USP9X: variants seen among roughly 807,000 people sequenced by gnomAD.
USP9X encodes ubiquitin carboxyl-terminal hydrolase 9X.
In USP9X, 7 loss-of-function variants were observed where a neutral mutation model predicts 190.3. That is an observed-to-expected ratio of 0.04 (90% CI 0.02 to 0.07). USP9X has a LOEUF of 0.07. USP9X is among the 10% of genes least tolerant of loss of function. The pLI, the probability that USP9X is intolerant of heterozygous loss-of-function variation, is 1.00. For missense variants in USP9X, 1,010 were observed against 1,916.9 expected (o/e 0.53, Z 8.83); for synonymous variants, 645 against 659.5 (o/e 0.98, Z 0.34).
chrX:41,164,090 C>G (rs1459323628), intron 15 of USP9X, among the ~76,000 whole-genome samples: 3 of 111,145 alleles, frequency 2.7e-5, no homozygotes, highest in Non-Finnish European at 5.7e-5. Flanking sequence ...CCAGGATGGT[C>G]TCTATCTCTT....
intron 18 of USP9X, among the ~76,000 whole-genome samples, chrX:41,169,182 C>T (rs192648801): frequency 9.1e-6 from 1 of 109,300 alleles, no homozygotes; most frequent in African/African-American, 3.3e-5. Flanking sequence ...CCTATGTTGT[C>T]GAGGCTGGTC....
At chrX:41,143,224 G>A (rs2062437840) in intron 9 of USP9X, 67 bp from the exon 10 acceptor site, 1 of 807,309 alleles carries the variant, frequency 1.2e-6, no homozygotes, top group African/African-American at 2.1e-5. Context: ...TTTAATAATA[G>A]TGTGAGCAAT....
rs111681291 is a variant in USP9X at position 41,230,035 on chromosome X, C to T, written c.7431+256C>T. ...GGCCAACAAGGTGAAATCCCATCTCCACTAAAAATAGAAAAATTAGTCGGG... is the reference window on the plus strand; with the variant it reads ...GGCCAACAAGGTGAAATCCCATCTCTACTAAAAATAGAAAAATTAGTCGGG... On this transcript the variant is annotated intron_variant, in intron 43 of 44. Coordinates refer to ENST00000378308, the MANE Select transcript of USP9X (RefSeq NM_001039591.3). 47,127 of 391,413 alleles carry T rather than the reference C, an allele frequency of 0.12. 2,509 individuals carry two copies. Among genetic ancestry groups the T allele is most frequent in the East Asian group, 0.23 (4,666 of 19,902 alleles). The allele number at this position is 391,413 out of a possible 1,213,427, so 32.3% of individuals were successfully genotyped here.
intron 1 of USP9X, among the ~76,000 whole-genome samples, chrX:41,090,198 G>T (rs1485675537): frequency 1.8e-5 from 2 of 109,472 alleles, no homozygotes; most frequent in Non-Finnish European, 3.8e-5. Context: ...TGAGCGACTG[G>T]GCCCGGCCCT....
chrX:41,169,764 A>G (rs1045334902), intron 18 of USP9X, among the ~76,000 whole-genome samples: 2 of 112,096 alleles, frequency 1.8e-5, no homozygotes, highest in Admixed American at 9.4e-5. Flanking sequence ...CCTTATTTTC[A>G]AGATACTGAA....
Position 41,085,745 on chromosome X carries a change from A to G in USP9X, c.-523A>G. 6.7e-6 allele frequency: 2 copies of G among 298,839 alleles called. No individual in the cohort carries two copies. Among genetic ancestry groups the G allele is most frequent in the Admixed American group, 1.2e-4 (2 of 16,539 alleles). 24.6% of individuals were successfully genotyped at this position (298,839 alleles called of 1,213,427 possible). A position where few individuals can be genotyped will look rare whatever the true frequency, so the allele number is the denominator to read the frequency against. Reference sequence around the variant, plus strand: ...AGAGGCGGCGACTAGGGGAAGGTGAAGCCGTCGCTGCAGGAGGAGGAGCAG... The same window carrying G: ...AGAGGCGGCGACTAGGGGAAGGTGAGGCCGTCGCTGCAGGAGGAGGAGCAG... On this transcript the variant is annotated 5_prime_UTR_variant, in exon 1 of 45. Transcript: ENST00000378308.
chrX:41,115,066 C>G (rs1220608169), intron 1 of USP9X, among the ~76,000 whole-genome samples: 1 of 107,850 alleles, frequency 9.3e-6, no homozygotes. Flanking sequence ...ACTAAAAATA[C>G]AAAAATTAGC....
intron 24 of USP9X, among the ~76,000 whole-genome samples, chrX:41,187,298 G>A (rs1326828400): frequency 8.9e-6 from 1 of 112,096 alleles, no homozygotes; most frequent in African/African-American, 3.2e-5. Context: ...TTATATAGGT[G>A]GATTATAGTG....
At position 41,196,375 on chromosome X, in the gene USP9X, A is replaced by G; in HGVS notation, c.4086+16A>G. On this transcript the variant is annotated intron_variant, in intron 27 of 44. Transcript: ENST00000378308. ...TGTTTTGGGGGTGAGACTTTTTAAA[A>G]TATGCTTATCAATGTGATTCATTCT... The G allele has an allele frequency of 8.4e-7, 1 of 1,193,377 alleles. No homozygotes were observed. Among genetic ancestry groups the G allele is most frequent in the Non-Finnish European group, 1.1e-6 (1 of 882,319 alleles).
chrX:41,111,512 G>A (rs768558246), intron 1 of USP9X, among the ~76,000 whole-genome samples: 2 of 111,981 alleles, frequency 1.8e-5, no homozygotes, highest in East Asian at 5.6e-4. Flanking sequence ...GAGCTTTTAT[G>A]TTTTAGTAAG....
chrX:41,092,660 G>A (rs2061962901), intron 1 of USP9X, among the ~76,000 whole-genome samples: 1 of 106,517 alleles, frequency 9.4e-6, no homozygotes, highest in African/African-American at 3.3e-5. Context: ...ATACAGTTAT[G>A]TATAACTTAG....
intron 31 of USP9X, 66 bp downstream of exon 31, chrX:41,201,346 T>A: frequency 9.9e-7 from 1 of 1,010,375 alleles, no homozygotes; most frequent in Non-Finnish European, 1.4e-6. Flanking sequence ...TATTCTCTCT[T>A]AAGAGAGTGT....
chrX:41,190,707 A>G (rs190329534), intron 26 of USP9X, among the ~76,000 whole-genome samples: 1 of 111,717 alleles, frequency 9.0e-6, no homozygotes, highest in East Asian at 2.8e-4. Flanking sequence ...CTAACTATTA[A>G]GGAACTTGAT....
At position 41,085,670 on chromosome X, in the gene USP9X, C is replaced by CGGGAGCG. The variant is rs1225262129; in HGVS notation, c.-597_-591dup. On this transcript the variant is annotated 5_prime_UTR_variant, in exon 1 of 45. Coordinates refer to ENST00000378308, the MANE Select transcript of USP9X (RefSeq NM_001039591.3). Reference sequence around the variant, plus strand: ...TAGCGCCCGGTGCTTGGGTCGGCGCCGGGAGCGAGGAGCGAGCTACTTCAA... The same window carrying CGGGAGCG: ...TAGCGCCCGGTGCTTGGGTCGGCGCCGGGAGCGGGGAGCGAGGAGCGAGCTACTTCAA... 3.7e-5 allele frequency: 11 copies of CGGGAGCG among 293,747 alleles called. No homozygotes were observed. The East Asian group carries it at 5.3e-4, about 14-fold the overall frequency. The allele number at this position is 293,747 out of a possible 1,213,427, so 24.2% of individuals were successfully genotyped here.
At chrX:41,212,001 C>T (rs1339603350) in intron 33 of USP9X, among the ~76,000 whole-genome samples, 14 of 112,412 alleles carry the variant, frequency 1.2e-4, no homozygotes, top group African/African-American at 3.2e-4. Flanking sequence ...ATGACAATGG[C>T]GGTTTTGTGG....
chrX:41,232,358 T>G, intron 44 of USP9X, 29 bp from the exon 45 acceptor site: 1 of 1,194,790 alleles, frequency 8.4e-7, no homozygotes, highest in Non-Finnish European at 1.1e-6. Flanking sequence ...TGAAAAGTTT[T>G]AACATACAGA....
intron 32 of USP9X, among the ~76,000 whole-genome samples, chrX:41,209,363 A>G (rs765369688): frequency 9.0e-6 from 1 of 111,192 alleles, no homozygotes; most frequent in East Asian, 2.8e-4. Flanking sequence ...GTTGTCTTGC[A>G]GAATGTGTTT....
At chrX:41,184,733 A>G (rs1349282651) in intron 23 of USP9X, 58 bp downstream of exon 23, 1 of 983,010 alleles carries the variant, frequency 1.0e-6, no homozygotes, top group African/African-American at 1.9e-5. Flanking sequence ...TTTAAAGTAA[A>G]ACTAATTAGT....
At chrX:41,189,498 A>G in intron 26 of USP9X, 23 bp downstream of exon 26, 1 of 1,159,133 alleles carries the variant, frequency 8.6e-7, no homozygotes, top group Non-Finnish European at 1.2e-6. Context: ...TTTAATTGTA[A>G]GAAACTTACT....
Sources: gnomAD v4.1 joint callset for allele counts (sites outside exome capture counted in the v4.1 genomes callset) on GRCh38, gnomAD v4.1.1 for gene constraint, MANE v1.5 for transcripts, NCBI Gene and HGNC (gene_info 2026-07-23, HGNC 2026-07-21) for gene names.